Variants in KIF15 observed in about 807,000 individuals in gnomAD.
The protein encoded by KIF15 is kinesin family member 15.
In KIF15, 140 loss-of-function variants were observed where a neutral mutation model predicts 190.6. That is an observed-to-expected ratio of 0.73 (90% CI 0.64 to 0.84). The LOEUF is 0.84. Ranked by LOEUF, KIF15 falls within the 40% of genes least tolerant of loss-of-function variation. The pLI is 0.00. For synonymous variants in KIF15, 528 were observed against 551.3 expected (o/e 0.96, Z 0.59); for missense variants, 1,372 against 1,584.4 (o/e 0.87, Z 2.28).
At chr3:44,841,531 G>A (rs1439072307) in intron 29 of KIF15, among the ~76,000 whole-genome samples, 1 of 151,730 alleles carries the variant, frequency 6.6e-6, no homozygotes, top group Admixed American at 6.6e-5. Flanking sequence ...CCGAGTAGCT[G>A]GGACTACAGG....
chr3:44,836,794 G>A (rs1698344487), intron 26 of KIF15, among the ~76,000 whole-genome samples: 1 of 152,216 alleles, frequency 6.6e-6, no homozygotes, highest in South Asian at 2.1e-4. Flanking sequence ...GCCAAGATAG[G>A]AGATCAGTCT....
chr3:44,844,844 G>T (rs1415650954), intron 30 of KIF15, among the ~76,000 whole-genome samples: 2 of 152,178 alleles, frequency 1.3e-5, no homozygotes, highest in African/African-American at 4.8e-5. Flanking sequence ...CACTGTGGAG[G>T]AGATGGATGC....
At chr3:44,825,107 G>A (rs914274515) in intron 20 of KIF15, among the ~76,000 whole-genome samples, 2 of 152,272 alleles carry the variant, frequency 1.3e-5, no homozygotes, top group Middle Eastern at 3.4e-3. Context: ...CCTTCTCAGT[G>A]TCTCCAGTTT....
chr3:44,798,036 A>G, intron 10 of KIF15, 80 bp downstream of exon 10: 1 of 1,235,464 alleles, frequency 8.1e-7, no homozygotes, highest in Non-Finnish European at 1.1e-6. Context: ...TGATTGCCCT[A>G]ATATTAACAT....
chr3:44,817,585 G>A (rs1708083490), intron 20 of KIF15, among the ~76,000 whole-genome samples: 1 of 152,162 alleles, frequency 6.6e-6, no homozygotes, highest in African/African-American at 2.4e-5. Flanking sequence ...CCTATGTTCT[G>A]TTCCGTTGGT....
chr3:44,811,602 G>A (rs1417671400), intron 17 of KIF15, among the ~76,000 whole-genome samples: 2 of 152,038 alleles, frequency 1.3e-5, no homozygotes, highest in African/African-American at 2.4e-5. Flanking sequence ...CCGAGATCGC[G>A]CCACTGCACT....
At chr3:44,797,767 A>G (rs182673042) in intron 9 of KIF15, 67 bp from the exon 10 acceptor site, 1 of 1,604,464 alleles carries the variant, frequency 6.2e-7, no homozygotes, top group Admixed American at 1.7e-5. Flanking sequence ...AAGAGTATAC[A>G]TTTTCTTTGC....
rs539833277 is a variant in KIF15 at position 44,851,713 on chromosome 3, A to G, written c.3807-74A>G. 16 of 1,258,592 alleles carry G rather than the reference A, an allele frequency of 1.3e-5. No homozygotes were observed. The African/African-American group carries it at 2.4e-4, about 19-fold the overall frequency. 78.0% of individuals were successfully genotyped at this position (1,258,592 alleles called of 1,614,324 possible). ...AATCAAAATTCTGGCCTTGCAGTACACATGTCTAACTTGAGCACTGTTTTA... is the reference window on the plus strand; with the variant it reads ...AATCAAAATTCTGGCCTTGCAGTACGCATGTCTAACTTGAGCACTGTTTTA... On this transcript the variant is annotated intron_variant, in intron 32 of 34. Coordinates refer to ENST00000326047, the MANE Select transcript of KIF15 (RefSeq NM_020242.3).
At chr3:44,847,419 G>A (rs1000208728) in intron 30 of KIF15, among the ~76,000 whole-genome samples, 2 of 152,120 alleles carry the variant, frequency 1.3e-5, no homozygotes, top group Non-Finnish European at 2.9e-5. Context: ...TTTATATATT[G>A]GAACATTCCT....
chr3:44,770,327 G>A (rs1424788790), intron 1 of KIF15, among the ~76,000 whole-genome samples: 1 of 152,160 alleles, frequency 6.6e-6, no homozygotes, highest in African/African-American at 2.4e-5. Context: ...CTTTTAGATT[G>A]GCTTTGATGG....
chr3:44,779,598 GC>G (rs1424673035), intron 4 of KIF15, among the ~76,000 whole-genome samples: 1 of 152,056 alleles, frequency 6.6e-6, no homozygotes, highest in Non-Finnish European at 1.5e-5. Flanking sequence ...ACTTTGGGGG[GC>G]CGAGGTGCGT....
rs1698689772 is a variant in KIF15, at chr3:44,843,214, T to G, written c.3675T>G (p.Ile1225Met). The part of the protein sequence containing the change: ...NWLLQGQLDD[I>M]KRQKENSDQN... ...TCCTGCAAGGTCAGCTGGATGATAT[T>G]AAAAGACAAAAGGAAAACAGGTGAG... is the stretch of plus-strand genomic sequence containing the variant. The change falls in exon 30 of 35, where the codon ATT (isoleucine) becomes ATG (methionine). Residue 1225 changes from isoleucine (I) to methionine (M), a missense_variant. By Grantham distance (10) the Ile-to-Met change is conservative. Coordinates refer to ENST00000326047, the MANE Select transcript of KIF15 (RefSeq NM_020242.3). 1.9e-6 allele frequency: 3 copies of G among 1,612,318 alleles called. No homozygotes were observed. Among genetic ancestry groups the G allele is most frequent in the Non-Finnish European group, 2.5e-6 (3 of 1,178,708 alleles).
intron 31 of KIF15, 31 bp downstream of exon 31, chr3:44,848,088 CT>C: frequency 7.6e-7 from 1 of 1,309,548 alleles, no homozygotes; most frequent in African/African-American, 1.5e-5. Context: ...ATAGTTTCTT[CT>C]TGTCTGAGCA....
intron 3 of KIF15, among the ~76,000 whole-genome samples, chr3:44,777,521 GT>G (rs1442035353): frequency 6.6e-6 from 1 of 151,950 alleles, no homozygotes; most frequent in Non-Finnish European, 1.5e-5. Flanking sequence ...GTGAAACCCC[GT>G]TTCTACTAAA....
At chr3:44,811,125 TAC>T (rs1707765423) in intron 17 of KIF15, 82 bp downstream of exon 17, 5 of 1,088,420 alleles carry the variant, frequency 4.6e-6, no homozygotes, top group Non-Finnish European at 6.6e-6. Flanking sequence ...CCCTATAAGT[TAC>T]AGTGTTCAAA....
At chr3:44,828,854 A>G (rs1187129866) in intron 24 of KIF15, among the ~76,000 whole-genome samples, 1 of 152,052 alleles carries the variant, frequency 6.6e-6, no homozygotes, top group Non-Finnish European at 1.5e-5. Flanking sequence ...CCTGACCAAC[A>G]TGGAGAAACC....
intron 3 of KIF15, among the ~76,000 whole-genome samples, chr3:44,776,868 G>T (rs1290256724): frequency 6.6e-6 from 1 of 152,048 alleles, no homozygotes. Flanking sequence ...CTAGTCACAT[G>T]TGGCTCCTGA....
intron 19 of KIF15, among the ~76,000 whole-genome samples, chr3:44,814,462 A>G (rs1239743007): frequency 6.6e-6 from 1 of 152,090 alleles, no homozygotes; most frequent in Admixed American, 6.6e-5. Context: ...GGTGCTCACC[A>G]CCACAGCCAG....
intron 20 of KIF15, among the ~76,000 whole-genome samples, chr3:44,825,070 T>G (rs1697568158): frequency 6.6e-6 from 1 of 152,212 alleles, no homozygotes; most frequent in Non-Finnish European, 1.5e-5. Flanking sequence ...TCTTCCTAGC[T>G]TTTTAAATAC....
Sources: allele counts gnomAD v4.1 joint callset (sites outside exome capture counted in the v4.1 genomes callset), GRCh38; gene constraint gnomAD v4.1.1; transcripts MANE v1.5; gene names NCBI Gene and HGNC (gene_info 2026-07-23, HGNC 2026-07-21).